Variants in CFAP44 observed in about 807,000 individuals in gnomAD.
CFAP44 encodes cilia and flagella associated protein 44.
CFAP44 carries 134 observed loss-of-function variants against 216.2 expected under a neutral mutation model. That is an observed-to-expected ratio of 0.62 (90% confidence interval 0.54 to 0.72). CFAP44 has a LOEUF of 0.72. Among genes scored for constraint, CFAP44 ranks in the 30% least tolerant of loss-of-function variants. The pLI is 0.00. For synonymous variants in CFAP44, 700 were observed against 727.6 expected, an observed-to-expected ratio of 0.96 and a Z score of 0.61; for missense variants, 2,035 against 2,182.1, an observed-to-expected ratio of 0.93 and a Z score of 1.34.
Position 113,401,759 on chromosome 3 carries a change from ATACTT to A in CFAP44, c.1171-25_1171-21del, listed in dbSNP as rs1205625460. 1.3e-6 allele frequency: 2 copies of A among 1,584,974 alleles called. No individual in the cohort carries two copies. Among genetic ancestry groups the A allele is most frequent in the Non-Finnish European group, 1.7e-6 (2 of 1,167,450 alleles). The stretch of plus-strand genomic sequence containing the variant: ...CCATATCTTGTAAAATGAAAAGAAA[ATACTT>A]TAATCGATCAGTAGTTTCTGAACAT... On this transcript the variant is annotated intron_variant, in intron 9 of 34. Transcript: ENST00000393845.
intron 17 of CFAP44, among the ~76,000 whole-genome samples, chr3:113,378,650 T>C (rs1933418102): frequency 6.6e-6 from 1 of 152,218 alleles, no homozygotes; most frequent in Non-Finnish European, 1.5e-5. Context: ...AATCTTGCTT[T>C]GCAGTAGATC....
At chr3:113,420,361 G>A (rs1329749055) in intron 4 of CFAP44, among the ~76,000 whole-genome samples, 182 bp from the exon 5 acceptor site, 1 of 151,922 alleles carries the variant, frequency 6.6e-6, no homozygotes, top group African/African-American at 2.4e-5. Context: ...TTTAAATTAG[G>A]TGAGAAAAAA....
chr3:113,395,225 T>C (rs930520922), intron 15 of CFAP44, among the ~76,000 whole-genome samples: 11 of 152,218 alleles, frequency 7.2e-5, no homozygotes, highest in Admixed American at 6.5e-4. Flanking sequence ...TGCTCACATT[T>C]AGTAAAACTG....
At chr3:113,410,700 G>C (rs111743981) in intron 6 of CFAP44, among the ~76,000 whole-genome samples, 10,976 of 152,090 alleles carry the variant, frequency 0.072, 447 homozygotes, top group East Asian at 0.15. Context: ...ATTTCTAGTT[G>C]TAGATCCTTG....
chr3:113,348,878 C>T (rs1950414857), intron 22 of CFAP44, among the ~76,000 whole-genome samples: 1 of 152,190 alleles, frequency 6.6e-6, no homozygotes. Context: ...GGAGAGATGT[C>T]ATGCTATTGT....
chr3:113,347,396 A>G (rs1950396009), intron 22 of CFAP44, among the ~76,000 whole-genome samples: 1 of 152,096 alleles, frequency 6.6e-6, no homozygotes, highest in African/African-American at 2.4e-5. Context: ...TGTCTATCCT[A>G]TCTATCCTGA....
At chr3:113,380,711 T>C (rs765304418) in intron 16 of CFAP44, among the ~76,000 whole-genome samples, 188 bp downstream of exon 16, 19 of 152,206 alleles carry the variant, frequency 1.2e-4, no homozygotes, top group Non-Finnish European at 5.9e-5. Flanking sequence ...TTTCCTTCTT[T>C]GCATTTTGAT....
chr3:113,441,152 C>T (rs750940366), intron 1 of CFAP44, among the ~76,000 whole-genome samples: 3 of 152,186 alleles, frequency 2.0e-5, no homozygotes, highest in Non-Finnish European at 4.4e-5. Flanking sequence ...AGCCCCAGCA[C>T]CTTCCCAGCT....
At chr3:113,361,902 C>T (rs908255911) in intron 21 of CFAP44, among the ~76,000 whole-genome samples, 1 of 151,846 alleles carries the variant, frequency 6.6e-6, no homozygotes, top group African/African-American at 2.4e-5. Flanking sequence ...AATATAATAG[C>T]AACAGAAAGG....
intron 8 of CFAP44, among the ~76,000 whole-genome samples, chr3:113,405,637 T>C (rs1268357009): frequency 2.0e-5 from 3 of 152,336 alleles, no homozygotes; most frequent in East Asian, 3.9e-4. Flanking sequence ...AAATGGTTAA[T>C]TCCAATTTGC....
At chr3:113,354,750 G>A (rs1427602110) in intron 22 of CFAP44, among the ~76,000 whole-genome samples, 5 of 152,066 alleles carry the variant, frequency 3.3e-5, no homozygotes, top group East Asian at 1.9e-4. Context: ...AGCTCTATAC[G>A]GCCCTGCCCA....
chr3:113,366,216 CACCAA>C lies in CFAP44; in HGVS notation c.2533_2537del (p.Leu845GlyfsTer9). On this transcript the variant is annotated frameshift_variant, in exon 19 of 35. Transcript: ENST00000393845. LOFTEE classifies it high-confidence loss of function. ...CATGCATATTGAAGTGCCAGTAGTCCACCAAACTGGTCAATGAAGGATCATTTTGA... is the reference window on the plus strand; with the variant it reads ...CATGCATATTGAAGTGCCAGTAGTCCACTGGTCAATGAAGGATCATTTTGA... 6.2e-7 allele frequency: 1 copy of C among 1,613,978 alleles called. No homozygotes were observed. Among genetic ancestry groups the C allele is most frequent in the Non-Finnish European group, 8.5e-7 (1 of 1,179,944 alleles).
chr3:113,392,466 C>T (rs540304930), intron 15 of CFAP44, among the ~76,000 whole-genome samples: 19 of 122,730 alleles, frequency 1.5e-4, no homozygotes, highest in South Asian at 1.0e-3. Context: ...AGAAAAAATA[C>T]ATAGAATGAA....
At chr3:113,387,310 A>G (rs936139939) in intron 15 of CFAP44, among the ~76,000 whole-genome samples, 1 of 152,012 alleles carries the variant, frequency 6.6e-6, no homozygotes, top group Non-Finnish European at 1.5e-5. Flanking sequence ...GAGGAGGGGG[A>G]AAAATAAAGA....
At chr3:113,423,904 A>G (rs1468670112) in intron 4 of CFAP44, among the ~76,000 whole-genome samples, 1 of 152,226 alleles carries the variant, frequency 6.6e-6, no homozygotes, top group Non-Finnish European at 1.5e-5. Flanking sequence ...AGTGAGGTAC[A>G]GAAATAGCCG....
intron 2 of CFAP44, 131 bp from the exon 3 acceptor site, chr3:113,427,470 G>C: frequency 1.5e-6 from 1 of 652,072 alleles, no homozygotes; most frequent in South Asian, 2.3e-5. Context: ...ATTTCTAGAA[G>C]AATCATTTTA....
chr3:113,333,318 AC>A, intron 25 of CFAP44, 87 bp downstream of exon 25: 1 of 1,109,446 alleles, frequency 9.0e-7, no homozygotes, highest in South Asian at 1.5e-5. Context: ...ATTCTTATTG[AC>A]CAGATAGGGA....
rs186322055 is a variant in CFAP44 at position 113,410,517 on chromosome 3, T to G, written c.674-1195A>C. Among the ~76,000 whole-genome samples the G allele has an allele frequency of 5.7e-3, 863 of 152,354 alleles. 10 individuals carry two copies. Among genetic ancestry groups the G allele is most frequent in the African/African-American group, 0.02 (834 of 41,588 alleles). Reference sequence around the variant, plus strand: ...GGCTGCATAGTATTCCATGGTTATATGTGCCACATTTTCTTAATCCCGTCT... The same window carrying G: ...GGCTGCATAGTATTCCATGGTTATAGGTGCCACATTTTCTTAATCCCGTCT... On this transcript the variant is annotated intron_variant, in intron 6 of 34. Coordinates refer to ENST00000393845, the MANE Select transcript of CFAP44 (RefSeq NM_001164496.2).
chr3:113,365,974 C>T, intron 19 of CFAP44, 65 bp downstream of exon 19: 1 of 1,489,318 alleles, frequency 6.7e-7, no homozygotes, highest in Admixed American at 2.2e-5. Flanking sequence ...CGAATATGAA[C>T]AATTTTAATA....
Sources: allele counts gnomAD v4.1 joint callset (sites outside exome capture counted in the v4.1 genomes callset), GRCh38; gene constraint gnomAD v4.1.1; transcripts MANE v1.5; gene names NCBI Gene and HGNC (gene_info 2026-07-23, HGNC 2026-07-21).